Variants in FGF14 observed in about 807,000 individuals in gnomAD.
FGF14 encodes fibroblast growth factor homologous factor 4.
Under a neutral mutation model 25.5 loss-of-function variants are expected in FGF14, and 5 were observed. The ratio of observed to expected loss-of-function variants is 0.20; its 90% CI spans 0.10 to 0.41. The LOEUF is 0.41. Among genes scored for constraint, FGF14 ranks in the 10% least tolerant of loss-of-function variants. The probability of loss-of-function intolerance (pLI) is 1.00; values close to 1 mark genes in which losing one functional copy is unlikely to be tolerated. For synonymous variants in FGF14, 138 were observed against 118.3 expected, an observed-to-expected ratio of 1.17 and a Z score of -1.08; for missense variants, 222 against 320.1, an observed-to-expected ratio of 0.69 and a Z score of 2.34.
Position 101,714,566 on chromosome 13 carries a change from T to G in FGF14, c.*8265A>C, listed in dbSNP as rs769319779. ...CATTTGTACAGGTGCAGTATTAACC[T>G]TTTCTAATTGCTCTATGCCACAGTT... On this transcript the variant is annotated 3_prime_UTR_variant, in exon 5 of 5. Transcript: ENST00000376143. 1.4e-6 allele frequency: 2 copies of G among 1,416,778 alleles called. No individual in the cohort carries two copies. Among genetic ancestry groups the G allele is most frequent in the Non-Finnish European group, 2.0e-6 (2 of 1,000,802 alleles). The allele number at this position is 1,416,778 out of a possible 1,614,324, so 87.8% of individuals were successfully genotyped here.
chr13:101,905,710 T>C (rs2032157886), intron 1 of FGF14, among the ~76,000 whole-genome samples: 1 of 152,024 alleles, frequency 6.6e-6, no homozygotes, highest in Non-Finnish European at 1.5e-5. Context: ...ATAATAATAA[T>C]AAATTATAGG....
At chr13:102,260,598 TGCTATC>T (rs1352925694) in intron 1 of FGF14, among the ~76,000 whole-genome samples, 53 of 152,388 alleles carry the variant, frequency 3.5e-4, no homozygotes, top group Admixed American at 2.9e-3. Context: ...GAGACAGCTT[TGCTATC>T]GCTATCACAT....
At chr13:101,906,371 TA>T (rs1255213770) in intron 1 of FGF14, among the ~76,000 whole-genome samples, 1 of 151,988 alleles carries the variant, frequency 6.6e-6, no homozygotes, top group African/African-American at 2.4e-5. Flanking sequence ...GTAAGAGGAA[TA>T]AAAAAGCCAT....
At chr13:102,398,975 T>C (rs955118428) in intron 1 of FGF14, among the ~76,000 whole-genome samples, 1 of 151,460 alleles carries the variant, frequency 6.6e-6, no homozygotes, top group African/African-American at 2.4e-5. Context: ...ATTATCCTAT[T>C]AGAATAGTTG....
chr13:102,094,486 A>T (rs914924308), intron 1 of FGF14, among the ~76,000 whole-genome samples: 8 of 152,178 alleles, frequency 5.3e-5, no homozygotes, highest in African/African-American at 1.9e-4. Context: ...TAATGCAGAC[A>T]AAAGTGCTCT....
intron 1 of FGF14, among the ~76,000 whole-genome samples, chr13:101,911,289 G>GT (rs2032906820): frequency 6.6e-6 from 1 of 152,098 alleles, no homozygotes; most frequent in Non-Finnish European, 1.5e-5. Flanking sequence ...ATTGATTACG[G>GT]TAACTTTGGG....
At chr13:101,929,846 C>T (rs1174072018) in intron 1 of FGF14, among the ~76,000 whole-genome samples, 3 of 152,114 alleles carry the variant, frequency 2.0e-5, no homozygotes, top group African/African-American at 7.2e-5. Context: ...TTATTCTTTG[C>T]ACTTTTCCCT....
intron 1 of FGF14, among the ~76,000 whole-genome samples, chr13:102,266,700 G>T (rs1047798213): frequency 2.0e-5 from 3 of 151,998 alleles, no homozygotes; most frequent in Non-Finnish European, 4.4e-5. Context: ...AAAGAAAACA[G>T]AGATAAAACA....
At chr13:101,894,643 T>C (rs527724191) in intron 1 of FGF14, among the ~76,000 whole-genome samples, 1 of 152,222 alleles carries the variant, frequency 6.6e-6, no homozygotes, top group African/African-American at 2.4e-5. Flanking sequence ...ACAGATTTCA[T>C]TGGTAACTAA....
intron 1 of FGF14, among the ~76,000 whole-genome samples, chr13:102,021,922 A>G (rs2040672524): frequency 6.6e-6 from 1 of 152,000 alleles, no homozygotes; most frequent in African/African-American, 2.4e-5. Context: ...CAGTCTCCTC[A>G]CCTAGAACAT....
At chr13:101,895,208 T>C (rs2030452712) in intron 1 of FGF14, among the ~76,000 whole-genome samples, 1 of 152,150 alleles carries the variant, frequency 6.6e-6, no homozygotes, top group Non-Finnish European at 1.5e-5. Context: ...GTCATTAAAT[T>C]CCTAATGACT....
chr13:101,944,334 T>C (rs75721375), intron 1 of FGF14, among the ~76,000 whole-genome samples: 3,035 of 152,268 alleles, frequency 0.02, 118 homozygotes, highest in African/African-American at 0.07. Flanking sequence ...ATTATTTCTG[T>C]CCTCCAAAGT....
chr13:101,924,383 G>A (rs1013035954), intron 1 of FGF14, among the ~76,000 whole-genome samples: 8 of 152,088 alleles, frequency 5.3e-5, no homozygotes, highest in African/African-American at 1.7e-4. Context: ...CATGTTGTAT[G>A]CATTTGTGCC....
At chr13:102,274,307 G>A (rs535272478) in intron 1 of FGF14, among the ~76,000 whole-genome samples, 2 of 152,300 alleles carry the variant, frequency 1.3e-5, no homozygotes, top group East Asian at 3.9e-4. Flanking sequence ...CTATACCTCT[G>A]AGTGTCGGAA....
At chr13:102,352,944 C>T (rs2138990196) in intron 1 of FGF14, among the ~76,000 whole-genome samples, 1 of 152,282 alleles carries the variant, frequency 6.6e-6, no homozygotes, top group East Asian at 1.9e-4. Context: ...TCTTCCCCTT[C>T]CCATTGCGCA....
At chr13:102,311,438 C>G (rs1463270411) in intron 1 of FGF14, among the ~76,000 whole-genome samples, 5 of 152,162 alleles carry the variant, frequency 3.3e-5, no homozygotes, top group Non-Finnish European at 1.5e-5. Context: ...TTAATTCTAG[C>G]TACAATGCCC....
At chr13:101,869,285 G>C (rs1184864486) in intron 2 of FGF14, among the ~76,000 whole-genome samples, 1 of 152,158 alleles carries the variant, frequency 6.6e-6, no homozygotes, top group Admixed American at 6.5e-5. Flanking sequence ...AAAACTAAAT[G>C]ACGGTGGTAG....
In FGF14 at chr13:101,963,897, T is replaced by C. The variant is rs375409264; in HGVS notation, c.209-88601A>G. ...CAGGAATGTCATAAATTCAATTTTATAGGAAAACAGTGTAATGTACTCAGA... is the reference window on the plus strand; with the variant it reads ...CAGGAATGTCATAAATTCAATTTTACAGGAAAACAGTGTAATGTACTCAGA... On this transcript the variant is annotated intron_variant, in intron 1 of 4. Transcript: ENST00000376131. Among the ~76,000 whole-genome samples the C allele has an allele frequency of 2.6e-4, 40 of 152,322 alleles. 1 individual carries two copies. Among genetic ancestry groups the C allele is most frequent in the African/African-American group, 8.7e-4 (36 of 41,574 alleles).
intron 3 of FGF14, among the ~76,000 whole-genome samples, chr13:101,807,851 T>C (rs1389161171): frequency 2.0e-5 from 3 of 152,034 alleles, no homozygotes; most frequent in Non-Finnish European, 4.4e-5. Context: ...TTTAATAACT[T>C]CTATAATAAC....
Sources: gnomAD v4.1 joint callset for allele counts (sites outside exome capture counted in the v4.1 genomes callset) on GRCh38, gnomAD v4.1.1 for gene constraint, MANE v1.5 for transcripts, NCBI Gene and HGNC (gene_info 2026-07-23, HGNC 2026-07-21) for gene names.